The following PKD1L3 variants were observed in gnomAD, a reference collection of about 807,000 sequenced individuals.
PKD1L3 encodes the protein polycystin-1-like protein 3.
PKD1L3 carries 239 observed loss-of-function variants against 184.1 expected under a neutral mutation model. That is an observed-to-expected ratio of 1.30 (90% CI 1.17 to 1.45). The LOEUF is 1.45. Among genes scored for constraint, PKD1L3 ranks in the 40% most tolerant of loss-of-function variants. The pLI, the probability that PKD1L3 is intolerant of heterozygous loss-of-function variation, is 0.00. For synonymous variants in PKD1L3, 996 were observed against 778.8 expected, an observed-to-expected ratio of 1.28 and a Z score of -4.64; for missense variants, 2,660 against 2,067.2, an observed-to-expected ratio of 1.29 and a Z score of -5.56.
chr16:71,971,373 G>A (rs1291044335), intron 12 of PKD1L3, among the ~76,000 whole-genome samples: 2 of 152,082 alleles, frequency 1.3e-5, no homozygotes, highest in Non-Finnish European at 2.9e-5. Flanking sequence ...CCAATTCTGT[G>A]TTTGGTTTCG....
intron 26 of PKD1L3, among the ~76,000 whole-genome samples, chr16:71,934,412 T>C (rs1000144387): frequency 6.6e-6 from 1 of 152,260 alleles, no homozygotes; most frequent in East Asian, 1.9e-4. Context: ...AAATTCATCC[T>C]GGGAAGCAAA....
At chr16:71,957,000 G>T (rs2039074327) in intron 16 of PKD1L3, among the ~76,000 whole-genome samples, 1 of 152,180 alleles carries the variant, frequency 6.6e-6, no homozygotes, top group East Asian at 1.9e-4. Flanking sequence ...AGTGGGAAAG[G>T]AACTGAGCTA....
intron 29 of PKD1L3, 166 bp downstream of exon 29, chr16:71,929,886 T>C (rs932322303): frequency 9.6e-7 from 1 of 1,037,986 alleles, no homozygotes; most frequent in Non-Finnish European, 1.4e-6. Context: ...TATGTAGTCT[T>C]ATAAATTGGG....
chr16:71,947,629 T>C (rs1417301559), intron 21 of PKD1L3, 38 bp from the exon 22 acceptor site: 13 of 1,358,486 alleles, frequency 9.6e-6, no homozygotes, highest in Non-Finnish European at 1.2e-5. Context: ...GAGCAGACAT[T>C]ACAGACCCAG....
Position 71,998,174 on chromosome 16 carries a change from AC to A in PKD1L3, c.418+97del, listed in dbSNP as rs148016245. The stretch of plus-strand genomic sequence containing the variant: ...GCCCTGTATCATCCCATGGTCTAAC[AC>A]TCACAGACTATTTAACCAATATTCT... On this transcript the variant is annotated intron_variant, in intron 2 of 29. Transcript: ENST00000620267. 3,268 of 1,461,936 alleles carry A rather than the reference AC, an allele frequency of 2.2e-3. 9 individuals are homozygous for A. The highest frequency in any genetic ancestry group is 2.9e-3 in the Non-Finnish European group (3,122 of 1,075,930). The allele number at this position is 1,461,936 out of a possible 1,614,324, so 90.6% of individuals were successfully genotyped here.
At chr16:71,988,617 C>G (rs755598382) in intron 4 of PKD1L3, among the ~76,000 whole-genome samples, 1 of 152,178 alleles carries the variant, frequency 6.6e-6, no homozygotes, top group African/African-American at 2.4e-5. Context: ...AGTCAAAAGC[C>G]TTTGTTGTCT....
At chr16:71,980,515 T>C (rs946009065) in intron 7 of PKD1L3, among the ~76,000 whole-genome samples, 1 of 152,212 alleles carries the variant, frequency 6.6e-6, no homozygotes, top group African/African-American at 2.4e-5. Context: ...CACCACAATC[T>C]AATTTTAGGA....
intron 5 of PKD1L3, among the ~76,000 whole-genome samples, chr16:71,984,584 G>A (rs546992229): frequency 6.6e-6 from 1 of 152,280 alleles, no homozygotes; most frequent in Non-Finnish European, 1.5e-5. Flanking sequence ...TTAAGGCTGG[G>A]CGTGATGGCT....
At chr16:71,980,702 G>C (rs1054104795) in intron 7 of PKD1L3, among the ~76,000 whole-genome samples, 3 of 152,174 alleles carry the variant, frequency 2.0e-5, no homozygotes. Flanking sequence ...AGGCATGGTG[G>C]TGTGCACCTG....
intron 25 of PKD1L3, 59 bp from the exon 26 acceptor site, chr16:71,935,577 T>TG: frequency 6.7e-7 from 1 of 1,483,764 alleles, no homozygotes. Context: ...GGTCTCTCCC[T>TG]GCTCAAGTGT....
chr16:71,979,971 A>G (rs2040085744), intron 8 of PKD1L3, 36 bp downstream of exon 8: 6 of 1,549,994 alleles, frequency 3.9e-6, no homozygotes, highest in Middle Eastern at 1.7e-4. Context: ...AGTGAAAAAC[A>G]CAGTGAAACT....
intron 6 of PKD1L3, among the ~76,000 whole-genome samples, chr16:71,983,663 C>CTTTTTTTTTTTTTTTTTT (rs1180950058): frequency 3.0e-5 from 3 of 100,306 alleles, no homozygotes; most frequent in African/African-American, 1.2e-4. Context: ...GATTCTCTTT[C>CTTTTTTTTTTTTTTTTTT]TTTTTTTTTT....
chr16:71,995,703 G>A (rs975347845), intron 2 of PKD1L3, among the ~76,000 whole-genome samples: 7 of 152,140 alleles, frequency 4.6e-5, no homozygotes, highest in African/African-American at 4.8e-5. Context: ...ATAGCCTTAC[G>A]TGTGCATCTT....
At chr16:71,954,053 A>T in intron 17 of PKD1L3, 52 bp downstream of exon 17, 1 of 1,392,492 alleles carries the variant, frequency 7.2e-7, no homozygotes. Flanking sequence ...CTGTCTCAAA[A>T]AAAAAAAAGG....
chr16:71,994,321 T>C (rs35697801), intron 2 of PKD1L3, among the ~76,000 whole-genome samples: 77,004 of 151,896 alleles, frequency 0.51, 20,274 homozygotes, highest in South Asian at 0.61. Context: ...GTCTCATTCT[T>C]AGGTCAGGTG....
chr16:71,995,355 G>C (rs1045437244), intron 2 of PKD1L3, among the ~76,000 whole-genome samples: 1 of 152,156 alleles, frequency 6.6e-6, no homozygotes, highest in Non-Finnish European at 1.5e-5. Flanking sequence ...AATAATTATG[G>C]AAAACATTTA....
Position 71,942,720 on chromosome 16 carries a change from G to A in PKD1L3, c.4164C>T (p.Asn1388=), listed in dbSNP as rs776559251. The A allele has an allele frequency of 1.1e-5, 17 of 1,551,596 alleles. No homozygotes were observed. Among genetic ancestry groups the A allele is most frequent in the Middle Eastern group, 1.7e-4 (1 of 6,014 alleles). Residue 1388 remains asparagine, a synonymous_variant, in exon 24 of 30, where the codon AAC becomes AAT. Coordinates refer to ENST00000620267, the MANE Select transcript of PKD1L3 (RefSeq NM_181536.2). ...TCTTGGGACGCCCACAGGTATGGCCGTTATCACAAAACGCCAGCTGACCTT... is the reference window on the plus strand; with the variant it reads ...TCTTGGGACGCCCACAGGTATGGCCATTATCACAAAACGCCAGCTGACCTT... ...VDEGQLAFCD[N]GHTCGRPKSL... is the part of the protein sequence containing the mutation.
rs1313710691 is a variant in PKD1L3 at position 71,965,039 on chromosome 16, A to G, written c.2466-1688T>C. 3.3e-5 allele frequency among the ~76,000 whole-genome samples: 5 copies of G among 151,426 alleles called. No individual in the cohort carries two copies. In the South Asian group the frequency reaches 1.0e-3, roughly 32 times the overall value. ...TTTTTGTATTTTTTTGTAGAGACAG[A>G]ATTTCACCATGTTGCCCAGGCTGGT... On this transcript the variant is annotated intron_variant, in intron 15 of 29. Coordinates refer to ENST00000620267, the MANE Select transcript of PKD1L3 (RefSeq NM_181536.2).
rs766924322 is a variant in PKD1L3, at chr16:71,977,443, A to G, written c.1552T>C (p.Leu518=). The change falls in exon 11 of 30, where the codon TTG becomes CTG. Residue 518 remains leucine (L), a synonymous_variant. Coordinates refer to ENST00000620267, the MANE Select transcript of PKD1L3 (RefSeq NM_181536.2). The stretch of plus-strand genomic sequence containing the variant: ...TTGAGGCTGGTGGGATGGGTTTCCA[A>G]GCTAACATTTCTCCAGAGCATGATC... The part of the protein sequence containing the change: ...IEIMLWRNVS[L]ETHPTSLNMS... The G allele has an allele frequency of 5.6e-5, 87 of 1,550,780 alleles. 1 individual carries two copies. In the South Asian group the frequency reaches 9.9e-4, roughly 18 times the overall value.
Sources: allele counts gnomAD v4.1 joint callset (sites outside exome capture counted in the v4.1 genomes callset), GRCh38; gene constraint gnomAD v4.1.1; transcripts MANE v1.5; gene names NCBI Gene and HGNC (gene_info 2026-07-23, HGNC 2026-07-21).